Variants in PROSER2 observed in about 807,000 individuals in gnomAD.
The protein encoded by PROSER2 is proline and serine-rich protein 2.
PROSER2 carries 18 observed loss-of-function variants against 14.6 expected under a neutral mutation model. That is an observed-to-expected ratio of 1.23 (90% CI 0.85 to 1.83). The LOEUF (loss-of-function observed/expected upper bound fraction) is 1.83. PROSER2 is among the 40% of genes most tolerant of loss of function. The probability of loss-of-function intolerance (pLI) is 0.00; values close to 1 mark genes in which losing one functional copy is unlikely to be tolerated. For missense variants in PROSER2, 823 were observed against 629.8 expected, an observed-to-expected ratio of 1.31 and a Z score of -3.28; for synonymous variants, 367 against 286.4, an observed-to-expected ratio of 1.28 and a Z score of -2.84.
intron 1 of PROSER2, among the ~76,000 whole-genome samples, chr10:11,842,220 CAAA>C (rs112257438): frequency 3.0e-5 from 4 of 135,222 alleles, no homozygotes; most frequent in African/African-American, 1.1e-4. Flanking sequence ...GACTCAGTCT[CAAA>C]AAAAAAAAAA....
chr10:11,825,145 G>T (rs1833593853), intron 1 of PROSER2, among the ~76,000 whole-genome samples: 1 of 152,220 alleles, frequency 6.6e-6, no homozygotes. Context: ...ACTGTGTGTT[G>T]ATTTGGAAGA....
chr10:11,847,154 A>AATAAATAT lies in PROSER2; in HGVS notation c.-81-4840_-81-4839insAATATATA, dbSNP rs1197050251. Among the ~76,000 whole-genome samples, 648 of 88,182 alleles carry AATAAATAT rather than the reference A, an allele frequency of 7.3e-3. 7 individuals carry two copies. The highest frequency in any genetic ancestry group is 0.017 in the African/African-American group (448 of 26,126). The allele number at this position is 88,182 out of a possible 152,430, so 57.9% of individuals were successfully genotyped here. On this transcript the variant is annotated intron_variant, in intron 1 of 3. Transcript: ENST00000277570. ...AAGAAAAAAAAGAAAAACATAAATA[A>AATAAATAT]ATATATATATATATATATATATATA... is the stretch of plus-strand genomic sequence containing the variant.
chr10:11,855,191 A>G (rs1449939801), intron 2 of PROSER2, among the ~76,000 whole-genome samples: 3 of 150,454 alleles, frequency 2.0e-5, no homozygotes, highest in African/African-American at 7.3e-5. Context: ...AAAGAAGATA[A>G]GGCCAGGTGC....
intron 1 of PROSER2, among the ~76,000 whole-genome samples, chr10:11,844,424 G>A (rs1833895980): frequency 6.6e-6 from 1 of 151,944 alleles, no homozygotes; most frequent in African/African-American, 2.4e-5. Flanking sequence ...TACCCCTCAC[G>A]CCCAACAATT....
At chr10:11,846,118 C>A (rs986848744) in intron 1 of PROSER2, among the ~76,000 whole-genome samples, 1 of 152,120 alleles carries the variant, frequency 6.6e-6, no homozygotes, top group Admixed American at 6.6e-5. Flanking sequence ...TCCCAAGTAG[C>A]TGGGATTATA....
rs900394736 is a variant in PROSER2 at position 11,823,693 on chromosome 10, C to T, written c.-82+223C>T. ...CGACCCCGGGGCGTCGCTGCCTCCT[C>T]GGGGACCTCGGAGTCGGGGCGCGGC... is the stretch of plus-strand genomic sequence containing the variant. On this transcript the variant is annotated intron_variant, in intron 1 of 3. Coordinates refer to ENST00000277570, the MANE Select transcript of PROSER2 (RefSeq NM_153256.4). The surrounding 1 kb of genome is among the most constrained non-coding windows in gnomAD (Gnocchi z 6.2). Among the ~76,000 whole-genome samples the T allele has an allele frequency of 8.6e-5, 13 of 151,584 alleles. No individual in the cohort carries two copies. The highest frequency in any genetic ancestry group is 1.3e-4 in the Non-Finnish European group (9 of 67,854).
At chr10:11,846,715 A>T (rs150564897) in intron 1 of PROSER2, among the ~76,000 whole-genome samples, 74 of 152,276 alleles carry the variant, frequency 4.9e-4, no homozygotes, top group African/African-American at 1.7e-3. Context: ...AGTCTGTCTA[A>T]CTGCCAGAGA....
Position 11,870,752 on chromosome 10 carries a change from T to A in PROSER2, c.*346T>A, listed in dbSNP as rs1476825784. On this transcript the variant is annotated 3_prime_UTR_variant, in exon 4 of 4. Coordinates refer to ENST00000277570, the MANE Select transcript of PROSER2 (RefSeq NM_153256.4). The stretch of plus-strand genomic sequence containing the variant: ...GTTGGGAGGAGTAGGACTGGTCTGA[T>A]TATCATTCTTGAGTCTCATCTACCC... The A allele has an allele frequency of 1.8e-5, 4 of 222,680 alleles. No individual in the cohort carries two copies. Among genetic ancestry groups the A allele is most frequent in the Non-Finnish European group, 3.8e-5 (4 of 104,912 alleles). 13.8% of individuals were successfully genotyped at this position (222,680 alleles called of 1,614,324 possible).
At chr10:11,826,600 C>T (rs765082844) in intron 1 of PROSER2, among the ~76,000 whole-genome samples, 5 of 152,092 alleles carry the variant, frequency 3.3e-5, no homozygotes, top group African/African-American at 9.7e-5. Flanking sequence ...TTTTTTGAGA[C>T]GGAGTCTCTC....
In PROSER2 at chr10:11,869,184, G is replaced by A. The variant is rs903887181; in HGVS notation, c.392-306G>A. On this transcript the variant is annotated intron_variant, in intron 3 of 3. Coordinates refer to ENST00000277570, the MANE Select transcript of PROSER2 (RefSeq NM_153256.4). This position sits in a 1 kb window ranked among gnomAD's most constrained non-coding sequence, Gnocchi z 4.4. ...CCCTGATGAGTTGGTCACTACTTGC[G>A]TCCTGTCCCAGCCTCAGGGGCTGGA... Among the ~76,000 whole-genome samples, 3 of 152,168 alleles carry A rather than the reference G, an allele frequency of 2.0e-5. No homozygotes were observed. The highest frequency in any genetic ancestry group is 2.9e-5 in the Non-Finnish European group (2 of 68,022).
chr10:11,870,506 C>A lies in PROSER2; in HGVS notation c.*100C>A. 9.5e-7 allele frequency: 1 copy of A among 1,054,548 alleles called. No individual in the cohort carries two copies. The highest frequency in any genetic ancestry group is 1.3e-6 in the Non-Finnish European group (1 of 773,938). The allele number at this position is 1,054,548 out of a possible 1,614,324, so 65.3% of individuals were successfully genotyped here. A position where few individuals can be genotyped will look rare whatever the true frequency, so the allele number is the denominator to read the frequency against. On this transcript the variant is annotated 3_prime_UTR_variant, in exon 4 of 4. Coordinates refer to ENST00000277570, the MANE Select transcript of PROSER2 (RefSeq NM_153256.4). ...GCTGTTTGGTCTAAAATGGAAGTGA[C>A]AGCGGGAGCCCCTGCCCTCTGTGGC... is the stretch of plus-strand genomic sequence containing the variant.
chr10:11,839,007 T>C lies in PROSER2; in HGVS notation c.-81-12990T>C, dbSNP rs557971987. 1.7e-4 allele frequency among the ~76,000 whole-genome samples: 26 copies of C among 152,372 alleles called. No individual in the cohort carries two copies. In the South Asian group the frequency reaches 5.4e-3, roughly 32 times the overall value. On this transcript the variant is annotated intron_variant, in intron 1 of 3. Transcript: ENST00000277570. ...ATTGAAATTTTCACCTTATAACTTG[T>C]ATTTTTTGAGTCCTAATGAATAGAA...
rs377704221 is a variant in PROSER2, at chr10:11,842,905, A to G, written c.-81-9092A>G. Among the ~76,000 whole-genome samples, 384 of 89,552 alleles carry G rather than the reference A, an allele frequency of 4.3e-3. 2 individuals carry two copies. The highest frequency in any genetic ancestry group is 0.015 in the African/African-American group (357 of 24,214). The allele number at this position is 89,552 out of a possible 152,430, so 58.7% of individuals were successfully genotyped here. On this transcript the variant is annotated intron_variant, in intron 1 of 3. Transcript: ENST00000277570. ...GGTTTCAGATGAAACAGAACTCCTC[A>G]TTTTCTATACTATTTTGCCATTGTT...
At chr10:11,859,202 A>C (rs1049517191) in intron 2 of PROSER2, among the ~76,000 whole-genome samples, 3 of 151,728 alleles carry the variant, frequency 2.0e-5, no homozygotes, top group Non-Finnish European at 4.4e-5. Flanking sequence ...CGGGTAGATC[A>C]TTTGAGGTCA....
In PROSER2 at chr10:11,869,615, A is replaced by G. The variant is rs1413172925; in HGVS notation, c.517A>G (p.Arg173Gly). 1 of 1,602,264 alleles carries G rather than the reference A, an allele frequency of 6.2e-7. No homozygotes were observed. The highest frequency in any genetic ancestry group is 8.5e-7 in the Non-Finnish European group (1 of 1,172,706). The change falls in exon 4 of 4, where the codon AGG becomes GGG. Residue 173 changes from arginine (R) to glycine (G), a missense_variant. Arg to Gly is a moderately radical substitution (Grantham distance 125). Transcript: ENST00000277570. The surrounding 1 kb of genome is among the most constrained non-coding windows in gnomAD (Gnocchi z 4.4). ...PLPSTPDPPR[R>G]ELRAPSPPVE... Reference sequence around the variant, plus strand: ...GCCTAGCACCCCCGATCCCCCCAGGAGGGAGCTGCGCGCCCCCTCCCCGCC... The same window carrying G: ...GCCTAGCACCCCCGATCCCCCCAGGGGGGAGCTGCGCGCCCCCTCCCCGCC...
Position 11,870,523 on chromosome 10 carries a change from C to G in PROSER2, c.*117C>G. On this transcript the variant is annotated 3_prime_UTR_variant, in exon 4 of 4. Coordinates refer to ENST00000277570, the MANE Select transcript of PROSER2 (RefSeq NM_153256.4). ...GGAAGTGACAGCGGGAGCCCCTGCC[C>G]TCTGTGGCACATCGGAGTCTAGAGG... The G allele has an allele frequency of 3.4e-6, 3 of 893,572 alleles. No homozygotes were observed. Among genetic ancestry groups the G allele is most frequent in the Non-Finnish European group, 4.8e-6 (3 of 631,162 alleles). 55.4% of individuals were successfully genotyped at this position (893,572 alleles called of 1,614,324 possible). A position where few individuals can be genotyped will look rare whatever the true frequency, so the allele number is the denominator to read the frequency against.
In PROSER2 at chr10:11,866,689, C is replaced by T; in HGVS notation, c.297C>T (p.Ser99=). 6.2e-7 allele frequency: 1 copy of T among 1,614,122 alleles called. No homozygotes were observed. Among genetic ancestry groups the T allele is most frequent in the Middle Eastern group, 1.7e-4 (1 of 6,056 alleles). The part of the protein sequence containing the change: ...LCSPSLEEST[S]SPSEPEDVID... ...CCCCGTCTCTGGAGGAGAGCACCTCCAGTCCCTCCGAGCCTGAAGATGTCA... is the reference window on the plus strand; with the variant it reads ...CCCCGTCTCTGGAGGAGAGCACCTCTAGTCCCTCCGAGCCTGAAGATGTCA... Residue 99 remains serine (S), a synonymous_variant, in exon 3 of 4, where the codon TCC becomes TCT. Transcript: ENST00000277570. The surrounding 1 kb of genome is among the most constrained non-coding windows in gnomAD (Gnocchi z 6.0).
chr10:11,867,808 G>C (rs1490091477), intron 3 of PROSER2, among the ~76,000 whole-genome samples: 1 of 152,202 alleles, frequency 6.6e-6, no homozygotes, highest in Non-Finnish European at 1.5e-5. Flanking sequence ...CCCTGAGCTG[G>C]AGGGAAATGG....
intron 1 of PROSER2, among the ~76,000 whole-genome samples, chr10:11,826,879 C>CTTTT (rs780415085): frequency 9.5e-6 from 1 of 105,196 alleles, no homozygotes; most frequent in Non-Finnish European, 2.0e-5. Context: ...TGCACCCGGC[C>CTTTT]TTTTTTTTTT....
Sources: allele counts gnomAD v4.1 joint callset (sites outside exome capture counted in the v4.1 genomes callset), GRCh38; gene constraint gnomAD v4.1.1; non-coding constraint Gnocchi (gnomAD v3.1); transcripts MANE v1.5; gene names NCBI Gene and HGNC (gene_info 2026-07-23, HGNC 2026-07-21).